The following SEL1L3 variants were observed in gnomAD, a reference collection of about 807,000 sequenced individuals.
SEL1L3 encodes SEL1L family member 3.
SEL1L3 carries 76 observed loss-of-function variants against 142.8 expected under a neutral mutation model. The ratio of observed to expected loss-of-function variants is 0.53; its 90% CI spans 0.44 to 0.64. The LOEUF (loss-of-function observed/expected upper bound fraction) is 0.64, where lower values mean the gene tolerates loss of function less well. Ranked by LOEUF, SEL1L3 falls within the 30% of genes least tolerant of loss-of-function variation. The pLI, the probability that SEL1L3 is intolerant of heterozygous loss-of-function variation, is 0.00. For synonymous variants in SEL1L3, 504 were observed against 519.6 expected (o/e 0.97, Z 0.41); for missense variants, 1,262 against 1,381.7 (o/e 0.91, Z 1.37).
At chr4:25,794,662 C>T (rs953176333) in intron 11 of SEL1L3, among the ~76,000 whole-genome samples, 20 of 152,086 alleles carry the variant, frequency 1.3e-4, no homozygotes, top group African/African-American at 4.8e-4. Context: ...GTGACGATTC[C>T]CCAAAGACCT....
At chr4:25,783,535 T>C (rs1266090111) in intron 14 of SEL1L3, among the ~76,000 whole-genome samples, 1 of 151,622 alleles carries the variant, frequency 6.6e-6, no homozygotes, top group Non-Finnish European at 1.5e-5. Context: ...TACGGTAGTT[T>C]CTGCAAATCT....
At chr4:25,852,045 C>T (rs1034090157) in intron 1 of SEL1L3, among the ~76,000 whole-genome samples, 4 of 151,334 alleles carry the variant, frequency 2.6e-5, no homozygotes, top group African/African-American at 9.7e-5. Flanking sequence ...GTCCATGCCA[C>T]CCCCCCCAGG....
chr4:25,788,114 T>A lies in SEL1L3; in HGVS notation c.2217+110A>T, dbSNP rs750125285. On this transcript the variant is annotated intron_variant, in intron 13 of 23. Transcript: ENST00000399878. The surrounding 1 kb of genome is among the most constrained non-coding windows in gnomAD (Gnocchi z 5.3). ...TTCCATCAAGAGTGACAGAAGCATA[T>A]ACTAAATTTCTTCAGTTATCGACTC... The A allele has an allele frequency of 1.0e-6, 1 of 986,908 alleles. No individual in the cohort carries two copies. The highest frequency in any genetic ancestry group is 1.5e-5 in the South Asian group (1 of 66,922). 61.1% of individuals were successfully genotyped at this position (986,908 alleles called of 1,614,324 possible).
chr4:25,855,441 TAGTA>T (rs961940596), intron 1 of SEL1L3, among the ~76,000 whole-genome samples: 2 of 152,322 alleles, frequency 1.3e-5, no homozygotes, highest in Non-Finnish European at 2.9e-5. Flanking sequence ...AGTAAGAATT[TAGTA>T]AGTGTTTCTT....
intron 6 of SEL1L3, among the ~76,000 whole-genome samples, chr4:25,828,545 C>G (rs1485994282): frequency 1.3e-5 from 2 of 151,812 alleles, no homozygotes; most frequent in African/African-American, 4.8e-5. Context: ...CCACCATGAC[C>G]AGCTAATTTT....
rs1235192147 is a variant in SEL1L3 at position 25,828,009 on chromosome 4, A to C, written c.1157+2089T>G. Reference sequence around the variant, plus strand: ...TCACTGTCCTTGAACTTTTCAGAGAAGATCTCCTAGCCACCTGTTATATAA... The same window carrying C: ...TCACTGTCCTTGAACTTTTCAGAGACGATCTCCTAGCCACCTGTTATATAA... On this transcript the variant is annotated intron_variant, in intron 6 of 23. Coordinates refer to ENST00000399878, the MANE Select transcript of SEL1L3 (RefSeq NM_015187.5). 3.3e-5 allele frequency among the ~76,000 whole-genome samples: 5 copies of C among 152,312 alleles called. No homozygotes were observed. The East Asian group carries it at 9.6e-4, about 29-fold the overall frequency.
chr4:25,861,641 T>TC (rs973240301), intron 1 of SEL1L3, among the ~76,000 whole-genome samples: 11 of 152,038 alleles, frequency 7.2e-5, no homozygotes, highest in African/African-American at 2.4e-4. Context: ...TTTTTTTTTT[T>TC]TTTTTTGGCA....
downstream of SEL1L3, among the ~76,000 whole-genome samples, chr4:25,745,499 C>T (rs1440799780): frequency 6.6e-6 from 1 of 152,140 alleles, no homozygotes; most frequent in African/African-American, 2.4e-5. Context: ...GATGCCCTGC[C>T]GTTCAGCACT....
chr4:25,800,816 C>T (rs1713132487), intron 11 of SEL1L3, among the ~76,000 whole-genome samples: 1 of 152,204 alleles, frequency 6.6e-6, no homozygotes, highest in African/African-American at 2.4e-5. Flanking sequence ...CCTACATAGA[C>T]AGCCTTTTGG....
At position 25,862,636 on chromosome 4, in the gene SEL1L3, C is replaced by G. The variant is rs1225868550; in HGVS notation, c.162+39G>C. ...GCCCCCACCCGCGTCCCCGGGGCCCCGCGCGGAGGGGAAGACCCGGGCAGG... is the reference window on the plus strand; with the variant it reads ...GCCCCCACCCGCGTCCCCGGGGCCCGGCGCGGAGGGGAAGACCCGGGCAGG... On this transcript the variant is annotated intron_variant, in intron 1 of 23. Transcript: ENST00000399878. 7 of 1,178,714 alleles carry G rather than the reference C, an allele frequency of 5.9e-6. No homozygotes were observed. The African/African-American group carries it at 9.6e-5, about 16-fold the overall frequency. 73.0% of individuals were successfully genotyped at this position (1,178,714 alleles called of 1,614,324 possible). A position where few individuals can be genotyped will look rare whatever the true frequency, so the allele number is the denominator to read the frequency against.
intron 2 of SEL1L3, among the ~76,000 whole-genome samples, chr4:25,841,805 C>T (rs897385093): frequency 2.0e-5 from 3 of 152,066 alleles, no homozygotes; most frequent in Non-Finnish European, 4.4e-5. Context: ...ACTGAAAATA[C>T]AAAAATTAGC....
At chr4:25,857,860 C>T (rs558934011) in intron 1 of SEL1L3, among the ~76,000 whole-genome samples, 1 of 152,334 alleles carries the variant, frequency 6.6e-6, no homozygotes, top group South Asian at 2.1e-4. Flanking sequence ...GCTAAAATGC[C>T]ATTATGCCGG....
At position 25,748,280 on chromosome 4, in the gene SEL1L3, T is replaced by TA. The variant is rs1190319127; in HGVS notation, c.*144dup. 5.7e-5 allele frequency: 44 copies of TA among 765,478 alleles called. No individual in the cohort carries two copies. Among genetic ancestry groups the TA allele is most frequent in the Non-Finnish European group, 7.8e-5 (38 of 484,510 alleles). The allele number at this position is 765,478 out of a possible 1,614,324, so 47.4% of individuals were successfully genotyped here. A position where few individuals can be genotyped will look rare whatever the true frequency, so the allele number is the denominator to read the frequency against. ...TGGGTACTTCCTTGTAATTTGACTT[T>TA]AAAAAAAATGACACCAATTGCAAAA... is the stretch of plus-strand genomic sequence containing the variant. On this transcript the variant is annotated 3_prime_UTR_variant, in exon 24 of 24. Transcript: ENST00000399878.
chr4:25,737,531 T>C, the SEL1L3 span, among the ~76,000 whole-genome samples: 1 of 152,178 alleles, frequency 6.6e-6, no homozygotes, highest in Non-Finnish European at 1.5e-5. Context: ...CATGAACTCA[T>C]CTAACCCTAG....
intron 1 of SEL1L3, 85 bp from the exon 2 acceptor site, chr4:25,847,949 G>T: frequency 1.2e-6 from 1 of 859,546 alleles, no homozygotes; most frequent in Non-Finnish European, 1.8e-6. Flanking sequence ...ATTTTCCTGG[G>T]ATAAAAAAAT....
At chr4:25,773,238 C>A (rs1719361107) in intron 17 of SEL1L3, 1 of 152,006 alleles carries the variant, frequency 6.6e-6, no homozygotes. Flanking sequence ...TCATATATAG[C>A]AAAAATATAA....
intron 9 of SEL1L3, among the ~76,000 whole-genome samples, 152 bp from the exon 10 acceptor site, chr4:25,804,904 T>A (rs1338125386): frequency 6.6e-6 from 1 of 152,220 alleles, no homozygotes; most frequent in Non-Finnish European, 1.5e-5. Flanking sequence ...GGGAGGTAAA[T>A]GAAACCCTTT....
chr4:25,799,001 C>A (rs1426062206), intron 11 of SEL1L3, among the ~76,000 whole-genome samples: 4 of 152,134 alleles, frequency 2.6e-5, no homozygotes, highest in Non-Finnish European at 4.4e-5. Context: ...AGACCCCCCT[C>A]CTTGGCTTGC....
chr4:25,731,514 C>A, the SEL1L3 span, among the ~76,000 whole-genome samples: 1 of 152,172 alleles, frequency 6.6e-6, no homozygotes, highest in African/African-American at 2.4e-5. Flanking sequence ...CCCCACACTT[C>A]GCCCAAGCAA....
Sources: gnomAD v4.1 joint callset for allele counts (sites outside exome capture counted in the v4.1 genomes callset) on GRCh38, gnomAD v4.1.1 for gene constraint, Gnocchi (gnomAD v3.1) non-coding constraint, MANE v1.5 for transcripts, NCBI Gene and HGNC (gene_info 2026-07-23, HGNC 2026-07-21) for gene names.